FGF13: variants seen among roughly 807,000 people sequenced by gnomAD.
FGF13 encodes the protein fibroblast growth factor homologous factor 2.
FGF13 carries 2 observed loss-of-function variants against 19.5 expected under a neutral mutation model. The ratio of observed to expected loss-of-function variants is 0.10; its 90% CI spans 0.04 to 0.32. FGF13 has a LOEUF of 0.32. Ranked by LOEUF, FGF13 falls within the 10% of genes least tolerant of loss-of-function variation. The pLI is 1.00. For synonymous variants in FGF13, 72 were observed against 76.9 expected (o/e 0.94, Z 0.33); for missense variants, 113 against 192.7 (o/e 0.59, Z 2.45).
At chrX:138,785,373 C>T (rs2090684074) in intron 3 of FGF13, among the ~76,000 whole-genome samples, 1 of 111,823 alleles carries the variant, frequency 8.9e-6, no homozygotes, top group African/African-American at 3.3e-5. Flanking sequence ...GTCTCTGTCC[C>T]CTTTCACAAC....
rs760255104 is a variant in FGF13, at chrX:139,171,014, C to CA, written c.-113+32401dup. ...TCATGTGCAGATCCTACCTATCTGC[C>CA]AAAGTCCAGCTCTGATTGTCCTCTT... On this transcript the variant is annotated intron_variant, in intron 1 of 2. Transcript: ENST00000421460. Among the ~76,000 whole-genome samples, 13 of 111,464 alleles carry CA rather than the reference C, an allele frequency of 1.2e-4. No individual in the cohort carries two copies. In the South Asian group the frequency reaches 4.9e-3, roughly 42 times the overall value.
intron 1 of FGF13, among the ~76,000 whole-genome samples, chrX:139,049,313 G>A (rs1416689271): frequency 9.0e-6 from 1 of 110,665 alleles, no homozygotes; most frequent in African/African-American, 3.3e-5. Context: ...TGATGATATG[G>A]CCTATTTACT....
intron 3 of FGF13, among the ~76,000 whole-genome samples, chrX:138,778,983 T>C (rs1292270030): frequency 8.9e-6 from 1 of 112,475 alleles, no homozygotes; most frequent in East Asian, 2.8e-4. Context: ...ACAGGCAGAC[T>C]GCCTCCTCAA....
chrX:138,747,989 G>T (rs1569382487), intron 3 of FGF13, among the ~76,000 whole-genome samples: 1 of 110,463 alleles, frequency 9.1e-6, no homozygotes, highest in Non-Finnish European at 1.9e-5. Context: ...TAACCTGAAG[G>T]GATGGAATGG....
At chrX:139,102,099 T>G in intron 1 of FGF13, among the ~76,000 whole-genome samples, 1 of 112,376 alleles carries the variant, frequency 8.9e-6, no homozygotes, top group Middle Eastern at 4.2e-3. Context: ...TCTAGTTGTT[T>G]GTGTATGTGA....
At chrX:138,737,584 G>A (rs748783413) in intron 1 of FGF13, among the ~76,000 whole-genome samples, 92 of 111,866 alleles carry the variant, frequency 8.2e-4, no homozygotes, top group Non-Finnish European at 1.4e-3. Context: ...TAAGCATAAA[G>A]TTAGTTTGTG....
chrX:138,690,005 T>C (rs957610719), intron 3 of FGF13, among the ~76,000 whole-genome samples: 1 of 111,868 alleles, frequency 8.9e-6, no homozygotes, highest in Middle Eastern at 4.6e-3. Flanking sequence ...ACTAGAGGAG[T>C]ACAGAGAAAC....
intron 1 of FGF13, among the ~76,000 whole-genome samples, chrX:138,949,693 A>G (rs982662525): frequency 8.9e-6 from 1 of 111,897 alleles, no homozygotes. Flanking sequence ...AAGGCTTCTC[A>G]AGATAACAGA....
intron 3 of FGF13, among the ~76,000 whole-genome samples, chrX:138,815,372 G>A (rs2090954905): frequency 9.0e-6 from 1 of 111,100 alleles, no homozygotes; most frequent in African/African-American, 3.3e-5. Flanking sequence ...TAATACATAT[G>A]TTAATTAGCT....
intron 1 of FGF13, among the ~76,000 whole-genome samples, chrX:138,897,662 T>C (rs1470553480): frequency 9.0e-6 from 1 of 111,536 alleles, no homozygotes; most frequent in Non-Finnish European, 1.9e-5. Flanking sequence ...AGGGTCCGTC[T>C]GAGGCTGGGC....
rs780133970 is a variant in FGF13 at position 138,888,690 on chromosome X, C to G, written c.-112-24040G>C. Among the ~76,000 whole-genome samples, 3 of 101,729 alleles carry G rather than the reference C, an allele frequency of 2.9e-5. No individual in the cohort carries two copies. The East Asian group carries it at 8.9e-4, about 30-fold the overall frequency. The allele number at this position is 101,729 out of a possible 115,157, so 88.3% of individuals were successfully genotyped here. A position where few individuals can be genotyped will look rare whatever the true frequency, so the allele number is the denominator to read the frequency against. ...TCTTCCTTCTACCTGCTCATAGGAC[C>G]AAGAAAAAGAAAAAAAAAAAAATTC... On this transcript the variant is annotated intron_variant, in intron 1 of 2. Coordinates refer to the FGF13 transcript ENST00000421460.
chrX:139,135,337 T>G (rs113126299), intron 1 of FGF13, among the ~76,000 whole-genome samples: 1,196 of 111,986 alleles, frequency 0.011, 16 homozygotes, highest in South Asian at 0.054. Context: ...TTTAGCTCCA[T>G]AAGAAAGTGA....
At chrX:138,866,527 C>T (rs757338933) in intron 1 of FGF13, among the ~76,000 whole-genome samples, 3 of 111,641 alleles carry the variant, frequency 2.7e-5, no homozygotes, top group Non-Finnish European at 5.6e-5. Flanking sequence ...GTACCAGCAA[C>T]GGCCTTATAA....
At chrX:139,152,880 C>G (rs1026463437) in intron 1 of FGF13, among the ~76,000 whole-genome samples, 1 of 110,768 alleles carries the variant, frequency 9.0e-6, no homozygotes, top group Non-Finnish European at 1.9e-5. Flanking sequence ...GTAACTCTTA[C>G]TCATGTTTTG....
At chrX:139,165,506 A>T (rs2084076677) in intron 1 of FGF13, among the ~76,000 whole-genome samples, 1 of 111,310 alleles carries the variant, frequency 9.0e-6, no homozygotes, top group Non-Finnish European at 1.9e-5. Context: ...TGGGAGAAAA[A>T]TCCCGAAAGC....
intron 3 of FGF13, among the ~76,000 whole-genome samples, chrX:138,845,260 G>C (rs2091173537): frequency 9.0e-6 from 1 of 111,446 alleles, no homozygotes; most frequent in African/African-American, 3.3e-5. Flanking sequence ...TGAGGGCAGA[G>C]ATGTAATCTG....
intron 1 of FGF13, among the ~76,000 whole-genome samples, chrX:139,044,896 T>C (rs1201542056): frequency 9.0e-6 from 1 of 111,312 alleles, no homozygotes; most frequent in East Asian, 2.9e-4. Context: ...TTCTCGGGTC[T>C]GGAGGACGGT....
At chrX:139,054,532 T>C (rs2092314569) in intron 1 of FGF13, among the ~76,000 whole-genome samples, 1 of 111,681 alleles carries the variant, frequency 9.0e-6, no homozygotes, top group Non-Finnish European at 1.9e-5. Context: ...TCTATTTGCT[T>C]AGTCTTGTTT....
Position 138,622,730 on chromosome X carries a change from GATAA to G in FGF13, c.*10116_*10119del, listed in dbSNP as rs1222520772. ...ACTCCAACAGAAAAATGTTAGAAGT[GATAA>G]ATAAATTCAGTGAAGTTGTAAAGAT... On this transcript the variant is annotated 3_prime_UTR_variant, in exon 5 of 5. Coordinates refer to ENST00000315930, the MANE Select transcript of FGF13 (RefSeq NM_004114.5). The G allele has an allele frequency of 1.8e-5, 2 of 112,239 alleles. No individual in the cohort carries two copies. The highest frequency in any genetic ancestry group is 6.5e-5 in the African/African-American group (2 of 30,957). 9.2% of individuals were successfully genotyped at this position (112,239 alleles called of 1,213,427 possible).
Sources: allele counts gnomAD v4.1 joint callset (sites outside exome capture counted in the v4.1 genomes callset), GRCh38; gene constraint gnomAD v4.1.1; transcripts MANE v1.5; gene names NCBI Gene and HGNC (gene_info 2026-07-23, HGNC 2026-07-21).